Variants in TK2 observed in about 807,000 individuals in gnomAD.
TK2 encodes the protein thymidine kinase 2, mitochondrial.
A neutral mutation model predicts 41.9 loss-of-function variants in TK2; 35 were observed. The observed-to-expected ratio is 0.84, with a 90% CI of 0.64 to 1.11. The LOEUF (loss-of-function observed/expected upper bound fraction) is 1.11, where lower values mean the gene tolerates loss of function less well. Among genes scored for constraint, TK2 ranks in the 50% least tolerant of loss-of-function variants. TK2 has a pLI of 0.00. For missense variants in TK2, 320 were observed against 351.1 expected, an observed-to-expected ratio of 0.91 and a Z score of 0.71; for synonymous variants, 128 against 129.1, an observed-to-expected ratio of 0.99 and a Z score of 0.06.
intron 1 of TK2, 123 bp downstream of exon 1, chr16:66,549,815 C>T: frequency 7.8e-7 from 1 of 1,287,378 alleles, no homozygotes; most frequent in Non-Finnish European, 9.8e-7. Context: ...CAGCCGCAGC[C>T]GGGGAGGAAA....
chr16:66,549,514 T>C, intron 1 of TK2: 1 of 1,037,494 alleles, frequency 9.6e-7, no homozygotes, highest in Non-Finnish European at 1.2e-6. Flanking sequence ...TCTGTGTGGG[T>C]CCCCACTCCC....
intron 3 of TK2, among the ~76,000 whole-genome samples, chr16:66,540,956 TACAA>T (rs1332726735): frequency 1.3e-5 from 2 of 152,252 alleles, no homozygotes; most frequent in Admixed American, 6.5e-5. Flanking sequence ...ATTTTACAAA[TACAA>T]ACAGTTTGAG....
At chr16:66,548,160 T>TC in intron 2 of TK2, 1 of 386,356 alleles carries the variant, frequency 2.6e-6, no homozygotes, top group Admixed American at 2.9e-5. Flanking sequence ...CATATCCTTC[T>TC]CCTAATTTCA....
chr16:66,523,688 G>A (rs1964846497), intron 6 of TK2, among the ~76,000 whole-genome samples: 2 of 152,136 alleles, frequency 1.3e-5, no homozygotes, highest in South Asian at 4.1e-4. Context: ...AATGAGCCAG[G>A]CGTGGTGGTG....
chr16:66,513,604 C>T (rs191704326), intron 9 of TK2, 127 bp downstream of exon 9: 1 of 871,252 alleles, frequency 1.1e-6, no homozygotes, highest in East Asian at 2.7e-5. Context: ...AGCCTTCCCA[C>T]CTTCCTTCTT....
intron 3 of TK2, 52 bp from the exon 4 acceptor site, chr16:66,537,069 A>G: frequency 6.2e-7 from 1 of 1,604,522 alleles, no homozygotes; most frequent in African/African-American, 1.3e-5. Flanking sequence ...TGAACCCTGT[A>G]AAAGTGTGTA....
At chr16:66,536,036 T>A (rs980817278) in intron 4 of TK2, among the ~76,000 whole-genome samples, 4 of 151,954 alleles carry the variant, frequency 2.6e-5, no homozygotes, top group African/African-American at 9.7e-5. Flanking sequence ...AAACCCTGTC[T>A]CTACTAAAAA....
At position 66,508,419 on chromosome 16, in the gene TK2, G is replaced by A. The variant is rs1372305265; in HGVS notation, c.*3549C>T. ...GGCCAAGCCCAGGGCAGCCAGGGAT[G>A]TATTATTGCTATTCCATTCTGAACA... On this transcript the variant is annotated 3_prime_UTR_variant, in exon 10 of 10. Coordinates refer to ENST00000544898, the MANE Select transcript of TK2 (RefSeq NM_004614.5). The A allele has an allele frequency of 6.6e-6, 1 of 152,264 alleles. No individual in the cohort carries two copies. The highest frequency in any genetic ancestry group is 1.5e-5 in the Non-Finnish European group (1 of 68,054). 9.4% of individuals were successfully genotyped at this position (152,264 alleles called of 1,614,324 possible).
At position 66,537,076 on chromosome 16, in the gene TK2, T is replaced by G. The variant is rs188311422; in HGVS notation, c.232-59A>C. On this transcript the variant is annotated intron_variant, in intron 3 of 9. Transcript: ENST00000544898. Reference sequence around the variant, plus strand: ...CTCTGTGCTGAACCCTGTAAAAGTGTGTAAGTGTTGAGGGGAAAGTGAGGA... The same window carrying G: ...CTCTGTGCTGAACCCTGTAAAAGTGGGTAAGTGTTGAGGGGAAAGTGAGGA... 6.8e-4 allele frequency: 1,082 copies of G among 1,601,454 alleles called. 1 individual carries two copies. Among genetic ancestry groups the G allele is most frequent in the Admixed American group, 9.5e-4 (57 of 59,954 alleles).
chr16:66,532,112 A>G (rs1341326999), intron 4 of TK2, among the ~76,000 whole-genome samples: 1 of 151,034 alleles, frequency 6.6e-6, no homozygotes, highest in Non-Finnish European at 1.5e-5. Flanking sequence ...TAAAAGTAAA[A>G]TAAAAGTTGA....
At chr16:66,533,764 C>A (rs2144420736) in intron 4 of TK2, among the ~76,000 whole-genome samples, 1 of 151,996 alleles carries the variant, frequency 6.6e-6, no homozygotes, top group Non-Finnish European at 1.5e-5. Context: ...TCCCAGCACT[C>A]TGGGAGGCCG....
chr16:66,549,083 C>G, intron 1 of TK2, 74 bp from the exon 2 acceptor site: 3 of 1,603,518 alleles, frequency 1.9e-6, no homozygotes, highest in Admixed American at 3.4e-5. Flanking sequence ...GCTACATGAC[C>G]ACAAAAACAC....
chr16:66,519,079 A>C (rs1256395862), intron 6 of TK2, among the ~76,000 whole-genome samples: 3 of 151,890 alleles, frequency 2.0e-5, no homozygotes, highest in Non-Finnish European at 4.4e-5. Flanking sequence ...CTCCTGCCTC[A>C]GCCTCCCGAG....
intron 3 of TK2, among the ~76,000 whole-genome samples, chr16:66,539,636 A>G (rs1965397694): frequency 6.6e-6 from 1 of 151,384 alleles, no homozygotes; most frequent in South Asian, 2.1e-4. Flanking sequence ...GAAGAAAAAG[A>G]AAAAAGGATC....
chr16:66,539,820 G>C (rs978263886), intron 3 of TK2, among the ~76,000 whole-genome samples: 2 of 152,120 alleles, frequency 1.3e-5, no homozygotes, highest in African/African-American at 4.8e-5. Flanking sequence ...GGAGTTCAGG[G>C]TTTTCATCAG....
At chr16:66,524,089 C>T (rs1964860125) in intron 6 of TK2, among the ~76,000 whole-genome samples, 1 of 152,170 alleles carries the variant, frequency 6.6e-6, no homozygotes, top group African/African-American at 2.4e-5. Flanking sequence ...CCCAGCAACC[C>T]AAATATGAAG....
In TK2 at chr16:66,513,731, C is replaced by A. The variant is rs774221655; in HGVS notation, c.699G>T (p.Leu233=). 6.2e-7 allele frequency: 1 copy of A among 1,613,840 alleles called. No homozygotes were observed. The highest frequency in any genetic ancestry group is 8.5e-7 in the Non-Finnish European group (1 of 1,179,918). ...TACCCTGTAAGGGAGTCTTACTTAC[C>A]AGAACAGGGGCTGCCATGGGGAAAA... ...GSLFPMAAPV[L]VIEADHHMER... The change falls in exon 9 of 10, where the codon CTG becomes CTT. Residue 233 remains leucine (L), a splice_region_variant and synonymous_variant. Coordinates refer to ENST00000544898, the MANE Select transcript of TK2 (RefSeq NM_004614.5).
intron 8 of TK2, among the ~76,000 whole-genome samples, chr16:66,515,914 C>A (rs1274677307): frequency 6.6e-6 from 1 of 152,218 alleles, no homozygotes; most frequent in East Asian, 1.9e-4. Flanking sequence ...GGCCCCCAGT[C>A]CAGCCTATCC....
Position 66,517,983 on chromosome 16 carries a change from G to A in TK2, c.450-106C>T. The A allele has an allele frequency of 1.1e-6, 1 of 896,504 alleles. No individual in the cohort carries two copies. Among genetic ancestry groups the A allele is most frequent in the Non-Finnish European group, 1.9e-6 (1 of 530,906 alleles). 55.5% of individuals were successfully genotyped at this position (896,504 alleles called of 1,614,324 possible). On this transcript the variant is annotated intron_variant, in intron 6 of 9. Coordinates refer to ENST00000544898, the MANE Select transcript of TK2 (RefSeq NM_004614.5). The surrounding 1 kb of genome is among the most constrained non-coding windows in gnomAD (Gnocchi z 4.3). ...GGCTCTCAATGAAAGGAGTCACCAA[G>A]GGTACCAGGGCACAGTGTGATCCGT...
Sources: allele counts gnomAD v4.1 joint callset (sites outside exome capture counted in the v4.1 genomes callset), GRCh38; gene constraint gnomAD v4.1.1; non-coding constraint Gnocchi (gnomAD v3.1); transcripts MANE v1.5; gene names NCBI Gene and HGNC (gene_info 2026-07-23, HGNC 2026-07-21).